Variants in ARHGDIA observed in about 807,000 individuals in gnomAD.
The protein encoded by ARHGDIA is rho GDP-dissociation inhibitor 1.
Under a neutral mutation model 25.0 loss-of-function variants are expected in ARHGDIA, and 9 were observed. The ratio of observed to expected loss-of-function variants is 0.36; its 90% CI spans 0.22 to 0.63. The LOEUF (loss-of-function observed/expected upper bound fraction) is 0.63, where lower values mean the gene tolerates loss of function less well. ARHGDIA is among the 20% of genes least tolerant of loss of function. The pLI is 0.69. For missense variants in ARHGDIA, 239 were observed against 264.3 expected (o/e 0.90, Z 0.66); for synonymous variants, 166 against 111.5 (o/e 1.49, Z -3.08).
chr17:81,868,269 ACTGGGTTC>A lies in ARHGDIA; in HGVS notation c.*599_*606del. On this transcript the variant is annotated 3_prime_UTR_variant, in exon 6 of 6. Transcript: ENST00000269321. ...AGCACACCCCACGTGTCCCTGGGTC[ACTGGGTTC>A]GCCACCGGGGAAGGGACGGGGAGGC... 5 of 1,230,298 alleles carry A rather than the reference ACTGGGTTC, an allele frequency of 4.1e-6. No homozygotes were observed. Among genetic ancestry groups the A allele is most frequent in the Non-Finnish European group, 3.2e-6 (3 of 926,554 alleles). 76.2% of individuals were successfully genotyped at this position (1,230,298 alleles called of 1,614,324 possible). A position where few individuals can be genotyped will look rare whatever the true frequency, so the allele number is the denominator to read the frequency against.
chr17:81,868,630 TCCC>T lies in ARHGDIA; in HGVS notation c.*243_*245del. On this transcript the variant is annotated 3_prime_UTR_variant, in exon 6 of 6. Transcript: ENST00000269321. ...AGCAGAGGCCTGGCTGCGGCCTCTC[TCCC>T]CCACAGCACAGGCAGAAGCAGCAAC... 6.5e-7 allele frequency: 1 copy of T among 1,534,928 alleles called. No individual in the cohort carries two copies. Among genetic ancestry groups the T allele is most frequent in the Non-Finnish European group, 8.7e-7 (1 of 1,146,630 alleles).
chr17:81,869,451 G>C, intron 3 of ARHGDIA, 45 bp from the exon 4 acceptor site: 1 of 1,612,368 alleles, frequency 6.2e-7, no homozygotes, highest in Non-Finnish European at 8.5e-7. Flanking sequence ...GCAGCCCTGC[G>C]CGAAGCCCCA....
Position 81,869,744 on chromosome 17 carries a change from C to T in ARHGDIA, c.187G>A (p.Ala63Thr), listed in dbSNP as rs752693120. Residue 63 changes from alanine to threonine, a missense_variant, in exon 2 of 6, where the codon GCA (alanine) becomes ACA (threonine). Physicochemically the swap from Ala to Thr is moderately conservative, Grantham distance 58. Coordinates refer to ENST00000269321, the MANE Select transcript of ARHGDIA (RefSeq NM_004309.6). Reference protein sequence around the residue: ...EALLGRVAVSADPNVPNVVVT... With the variant: ...EALLGRVAVSTDPNVPNVVVT... Reference sequence around the variant, plus strand: ...GGCTCCCGCAGCCCAGACTCACCTGCGGAAACGGCCACGCGGCCCAGCAGG... The same window carrying T: ...GGCTCCCGCAGCCCAGACTCACCTGTGGAAACGGCCACGCGGCCCAGCAGG... 8.1e-6 allele frequency: 13 copies of T among 1,612,478 alleles called. No individual in the cohort carries two copies. The highest frequency in any genetic ancestry group is 5.0e-5 in the Admixed American group (3 of 59,874).
In ARHGDIA at chr17:81,868,244, A is replaced by G. The variant is rs2039108846; in HGVS notation, c.*632T>C. 7 of 958,220 alleles carry G rather than the reference A, an allele frequency of 7.3e-6. No individual in the cohort carries two copies. In the South Asian group the frequency reaches 1.5e-4, roughly 20 times the overall value. 59.4% of individuals were successfully genotyped at this position (958,220 alleles called of 1,614,324 possible). On this transcript the variant is annotated 3_prime_UTR_variant, in exon 6 of 6. Transcript: ENST00000269321. ...CACTGGTGGGCTGGGGAGCAGCAGC[A>G]GCACACCCCACGTGTCCCTGGGTCA...
Position 81,868,442 on chromosome 17 carries a change from G to GC in ARHGDIA, c.*433dup. 1 of 1,475,826 alleles carries GC rather than the reference G, an allele frequency of 6.8e-7. No homozygotes were observed. Among genetic ancestry groups the GC allele is most frequent in the Non-Finnish European group, 9.0e-7 (1 of 1,116,322 alleles). The allele number at this position is 1,475,826 out of a possible 1,614,324, so 91.4% of individuals were successfully genotyped here. ...AGCAGCGGGGCTGGAGGACGGCCCG[G>GC]CCCCCACGAGGCCGTGCATCCCACA... On this transcript the variant is annotated 3_prime_UTR_variant, in exon 6 of 6. Coordinates refer to ENST00000269321, the MANE Select transcript of ARHGDIA (RefSeq NM_004309.6).
Position 81,868,494 on chromosome 17 carries a change from C to T in ARHGDIA, c.*382G>A, listed in dbSNP as rs543025140. Reference sequence around the variant, plus strand: ...CCCAGCTCCACCCCGGAGCAGCAGACGCACACGTCCAGGGGCAACCACGGG... The same window carrying T: ...CCCAGCTCCACCCCGGAGCAGCAGATGCACACGTCCAGGGGCAACCACGGG... On this transcript the variant is annotated 3_prime_UTR_variant, in exon 6 of 6. Coordinates refer to ENST00000269321, the MANE Select transcript of ARHGDIA (RefSeq NM_004309.6). 1.5e-4 allele frequency: 223 copies of T among 1,527,080 alleles called. 2 individuals are homozygous for T. In the East Asian group the frequency reaches 5.0e-3, roughly 34 times the overall value. The allele number at this position is 1,527,080 out of a possible 1,614,324, so 94.6% of individuals were successfully genotyped here.
chr17:81,869,884 G>T lies in ARHGDIA; in HGVS notation c.47C>A (p.Ala16Glu), dbSNP rs754320727. ...PTAEQLAQIA[A>E]ENEEDEHSVN... ...CGAGTGCTCATCCTCCTCGTTCTCC[G>T]CTGCAATCTGGGCCAGCTGCTCGGC... The change falls in exon 2 of 6, where the codon GCG (alanine) becomes GAG (glutamate). Residue 16 changes from alanine (A) to glutamate (E), a missense_variant. Transcript: ENST00000269321. 1.1e-5 allele frequency: 18 copies of T among 1,613,818 alleles called. No homozygotes were observed. Among genetic ancestry groups the T allele is most frequent in the Non-Finnish European group, 1.4e-5 (16 of 1,180,016 alleles).
At chr17:81,870,413 G>T (rs544545484) in intron 1 of ARHGDIA, 1 of 160,154 alleles carries the variant, frequency 6.2e-6, no homozygotes, top group East Asian at 1.8e-4. Flanking sequence ...AACGTGTGTG[G>T]TCGGCTCAGC....
Position 81,868,345 on chromosome 17 carries a change from C to T in ARHGDIA, c.*531G>A. 1 of 1,425,756 alleles carries T rather than the reference C, an allele frequency of 7.0e-7. No individual in the cohort carries two copies. The highest frequency in any genetic ancestry group is 9.2e-7 in the Non-Finnish European group (1 of 1,092,104). The allele number at this position is 1,425,756 out of a possible 1,614,324, so 88.3% of individuals were successfully genotyped here. A position where few individuals can be genotyped will look rare whatever the true frequency, so the allele number is the denominator to read the frequency against. ...ACAGGGAGTTAGAGGCTAGTGAGGCCCCACGGTACACTCCACATGTTAAGG... is the reference window on the plus strand; with the variant it reads ...ACAGGGAGTTAGAGGCTAGTGAGGCTCCACGGTACACTCCACATGTTAAGG... On this transcript the variant is annotated 3_prime_UTR_variant, in exon 6 of 6. Transcript: ENST00000269321.
Position 81,871,225 on chromosome 17 carries a change from C to A in ARHGDIA, c.-28+73G>T, listed in dbSNP as rs1303282550. On this transcript the variant is annotated intron_variant, in intron 1 of 5. Transcript: ENST00000269321. ...CCCCCACCTCAGCGCCCCCCGCCCC[C>A]GCCGGCGCCGCCGGTCCCCGCCCCG... 2.0e-5 allele frequency: 3 copies of A among 148,450 alleles called. No individual in the cohort carries two copies. In the East Asian group the frequency reaches 6.0e-4, roughly 29 times the overall value. 9.2% of individuals were successfully genotyped at this position (148,450 alleles called of 1,614,324 possible).
In ARHGDIA at chr17:81,869,117, C is replaced by G. The variant is rs761900115; in HGVS notation, c.416-42G>C. 6 of 1,612,804 alleles carry G rather than the reference C, an allele frequency of 3.7e-6. No individual in the cohort carries two copies. The African/African-American group carries it at 4.0e-5, about 11-fold the overall frequency. On this transcript the variant is annotated intron_variant, in intron 5 of 5. Transcript: ENST00000269321. ...AGGGCGGTCAGCGGCCCCGCTTCCC[C>G]GCCTGGCAGCACGCACCCAAGCGGC... is the stretch of plus-strand genomic sequence containing the variant.
intron 1 of ARHGDIA, chr17:81,870,202 C>A: frequency 2.1e-6 from 1 of 476,218 alleles, no homozygotes; most frequent in Non-Finnish European, 3.8e-6. Flanking sequence ...GACACACCTC[C>A]CCCTCCACGA....
At chr17:81,871,207 C>T (rs1275998415) in intron 1 of ARHGDIA, 91 bp downstream of exon 1, 1 of 148,280 alleles carries the variant, frequency 6.7e-6, no homozygotes, top group African/African-American at 2.5e-5. Flanking sequence ...AAGCCCCCAC[C>T]TCAGCGCCCC....
At chr17:81,870,239 T>A (rs1252705341) in intron 1 of ARHGDIA, 6 of 390,216 alleles carry the variant, frequency 1.5e-5, no homozygotes, top group Non-Finnish European at 2.8e-5. Context: ...CCCCTGTATG[T>A]GTGGGGCGGG....
Position 81,868,203 on chromosome 17 carries a change from G to T in ARHGDIA, c.*673C>A. The T allele has an allele frequency of 1.4e-6, 1 of 716,900 alleles. No individual in the cohort carries two copies. The highest frequency in any genetic ancestry group is 2.5e-5 in the South Asian group (1 of 39,560). 44.4% of individuals were successfully genotyped at this position (716,900 alleles called of 1,614,324 possible). On this transcript the variant is annotated 3_prime_UTR_variant, in exon 6 of 6. Transcript: ENST00000269321. ...TCTCCACAGCCCTGTCCAGGGAAGGGGGCAGGCTGGCCAGGCACTGGTGGG... is the reference window on the plus strand; with the variant it reads ...TCTCCACAGCCCTGTCCAGGGAAGGTGGCAGGCTGGCCAGGCACTGGTGGG...
Position 81,867,928 on chromosome 17 carries a change from A to C in ARHGDIA, c.*948T>G. 1 of 156,976 alleles carries C rather than the reference A, an allele frequency of 6.4e-6. No individual in the cohort carries two copies. The highest frequency in any genetic ancestry group is 1.9e-4 in the East Asian group (1 of 5,354). The allele number at this position is 156,976 out of a possible 1,614,324, so 9.7% of individuals were successfully genotyped here. ...GTGGTGGCACTGAGAGCCTGGGGGA[A>C]CAGGCGCCAGGCCAGTGGCCCAGGG... On this transcript the variant is annotated 3_prime_UTR_variant, in exon 6 of 6. Transcript: ENST00000269321.
chr17:81,868,496 C>T lies in ARHGDIA; in HGVS notation c.*380G>A, dbSNP rs1447952114. On this transcript the variant is annotated 3_prime_UTR_variant, in exon 6 of 6. Coordinates refer to ENST00000269321, the MANE Select transcript of ARHGDIA (RefSeq NM_004309.6). Reference sequence around the variant, plus strand: ...CAGCTCCACCCCGGAGCAGCAGACGCACACGTCCAGGGGCAACCACGGGGC... The same window carrying T: ...CAGCTCCACCCCGGAGCAGCAGACGTACACGTCCAGGGGCAACCACGGGGC... 3.9e-6 allele frequency: 6 copies of T among 1,527,712 alleles called. No individual in the cohort carries two copies. The highest frequency in any genetic ancestry group is 2.0e-5 in the Admixed American group (1 of 50,392). 94.6% of individuals were successfully genotyped at this position (1,527,712 alleles called of 1,614,324 possible).
rs1302146291 is a variant in ARHGDIA, at chr17:81,868,361, CAT to C, written c.*513_*514del. The stretch of plus-strand genomic sequence containing the variant: ...TAGTGAGGCCCCACGGTACACTCCA[CAT>C]GTTAAGGCATCATGGTTAGACGGGA... On this transcript the variant is annotated 3_prime_UTR_variant, in exon 6 of 6. Coordinates refer to ENST00000269321, the MANE Select transcript of ARHGDIA (RefSeq NM_004309.6). The C allele has an allele frequency of 7.0e-6, 10 of 1,436,406 alleles. No homozygotes were observed. Among genetic ancestry groups the C allele is most frequent in the Non-Finnish European group, 9.1e-6 (10 of 1,098,410 alleles). The allele number at this position is 1,436,406 out of a possible 1,614,324, so 89.0% of individuals were successfully genotyped here. A position where few individuals can be genotyped will look rare whatever the true frequency, so the allele number is the denominator to read the frequency against.
At position 81,868,535 on chromosome 17, in the gene ARHGDIA, G is replaced by A; in HGVS notation, c.*341C>T. The A allele has an allele frequency of 6.5e-7, 1 of 1,532,990 alleles. No individual in the cohort carries two copies. The allele number at this position is 1,532,990 out of a possible 1,614,324, so 95.0% of individuals were successfully genotyped here. ...CAACCACGGGGCCTGGAGAATGGCTGCTCCGCTCCCTCCTGAAGCCAGGCC... is the reference window on the plus strand; with the variant it reads ...CAACCACGGGGCCTGGAGAATGGCTACTCCGCTCCCTCCTGAAGCCAGGCC... On this transcript the variant is annotated 3_prime_UTR_variant, in exon 6 of 6. Transcript: ENST00000269321.
Sources: gnomAD v4.1 joint callset for allele counts on GRCh38, gnomAD v4.1.1 for gene constraint, MANE v1.5 for transcripts, NCBI Gene and HGNC (gene_info 2026-07-23, HGNC 2026-07-21) for gene names.